The following PEAK1 variants were observed in gnomAD, a reference collection of about 807,000 sequenced individuals.
PEAK1 encodes the protein inactive tyrosine-protein kinase PEAK1.
In PEAK1, 54 loss-of-function variants were observed where a neutral mutation model predicts 124.7. The ratio of observed to expected loss-of-function variants is 0.43; its 90% CI spans 0.35 to 0.54. The LOEUF (loss-of-function observed/expected upper bound fraction) is 0.54. Ranked by LOEUF, PEAK1 falls within the 20% of genes least tolerant of loss-of-function variation. The pLI is 0.01. For synonymous variants in PEAK1, 719 were observed against 760.0 expected (o/e 0.95, Z 0.89); for missense variants, 2,046 against 2,134.5 (o/e 0.96, Z 0.82).
intron 1 of PEAK1, among the ~76,000 whole-genome samples, chr15:77,415,124 C>T (rs1286577245): frequency 6.6e-6 from 1 of 152,204 alleles, no homozygotes; most frequent in East Asian, 1.9e-4. Flanking sequence ...TCTGATCACT[C>T]ACTGCTGGAG....
At chr15:77,248,177 G>A (rs1440577112) in intron 6 of PEAK1, among the ~76,000 whole-genome samples, 1 of 152,034 alleles carries the variant, frequency 6.6e-6, no homozygotes, top group Non-Finnish European at 1.5e-5. Context: ...GATTACAGGT[G>A]TGAACCACTG....
intron 2 of PEAK1, among the ~76,000 whole-genome samples, chr15:77,300,330 G>A (rs923407012): frequency 1.1e-4 from 17 of 152,224 alleles, no homozygotes; most frequent in African/African-American, 4.1e-4. Context: ...GAAGAGAGGA[G>A]TACTGTTAGT....
In PEAK1 at chr15:77,110,709, C is replaced by G. The variant is rs1596204859; in HGVS notation, c.*3447G>C. 6.6e-6 allele frequency: 1 copy of G among 152,234 alleles called. No homozygotes were observed. Among genetic ancestry groups the G allele is most frequent in the South Asian group, 2.1e-4 (1 of 4,834 alleles). 9.4% of individuals were successfully genotyped at this position (152,234 alleles called of 1,614,324 possible). ...TCTTCTGAGGGCAAATCTTGAAACTCATTGCCATATTCCTGGCTTCCAGTT... is the reference window on the plus strand; with the variant it reads ...TCTTCTGAGGGCAAATCTTGAAACTGATTGCCATATTCCTGGCTTCCAGTT... On this transcript the variant is annotated 3_prime_UTR_variant, in exon 10 of 10. Coordinates refer to ENST00000682557, the MANE Select transcript of PEAK1 (RefSeq NM_001385026.1).
chr15:77,314,870 A>C (rs2064775190), intron 2 of PEAK1, among the ~76,000 whole-genome samples: 1 of 152,226 alleles, frequency 6.6e-6, no homozygotes, highest in East Asian at 1.9e-4. Flanking sequence ...GTAATACCTG[A>C]CGACCCATGG....
Position 77,418,817 on chromosome 15 carries a change from C to T in PEAK1, c.-666+1189G>A, listed in dbSNP as rs955943567. 4.1e-6 allele frequency: 4 copies of T among 984,952 alleles called. No individual in the cohort carries two copies. The African/African-American group carries it at 7.0e-5, about 17-fold the overall frequency. The allele number at this position is 984,952 out of a possible 1,614,324, so 61.0% of individuals were successfully genotyped here. ...GACTATACACATCACTACATCACTT[C>T]ATTTATCGGGGGAAAAAAAAAGACG... On this transcript the variant is annotated intron_variant, in intron 1 of 9. Coordinates refer to ENST00000682557, the MANE Select transcript of PEAK1 (RefSeq NM_001385026.1).
At chr15:77,230,138 A>C (rs2152894745) in intron 6 of PEAK1, among the ~76,000 whole-genome samples, 1 of 152,332 alleles carries the variant, frequency 6.6e-6, no homozygotes, top group South Asian at 2.1e-4. Flanking sequence ...ATGCTATTAT[A>C]AAATACTTAT....
At chr15:77,413,526 C>A (rs2072583395) in intron 1 of PEAK1, among the ~76,000 whole-genome samples, 1 of 152,174 alleles carries the variant, frequency 6.6e-6, no homozygotes, top group Non-Finnish European at 1.5e-5. Context: ...AAACATCAGA[C>A]AAACCTAAAC....
At chr15:77,363,234 A>C (rs558902070) in intron 2 of PEAK1, among the ~76,000 whole-genome samples, 2 of 152,246 alleles carry the variant, frequency 1.3e-5, no homozygotes, top group South Asian at 4.1e-4. Flanking sequence ...TCCCCACACC[A>C]GATTTGGTGC....
At position 77,180,329 on chromosome 15, in the gene PEAK1, T is replaced by G. The variant is rs1567077039; in HGVS notation, c.1598A>C (p.Glu533Ala). The G allele has an allele frequency of 6.2e-7, 1 of 1,613,998 alleles. No homozygotes were observed. The highest frequency in any genetic ancestry group is 1.3e-5 in the African/African-American group (1 of 74,902). Residue 533 changes from glutamate (E) to alanine (A), a missense_variant, in exon 7 of 10, where the codon GAA becomes GCA. Coordinates refer to ENST00000682557, the MANE Select transcript of PEAK1 (RefSeq NM_001385026.1). ...FQKSSAIRYQ[E>A]VWTSSTSPRQ... ...TGGACTGGTGCTAGAAGTCCATACT[T>G]CTTGGTATCGAATTGCACTGGATTT...
At chr15:77,104,081 C>T (rs552604445), downstream of PEAK1, 14 of 152,480 alleles carry the variant, frequency 9.2e-5, 1 homozygote, top group East Asian at 9.6e-4. Flanking sequence ...GACAAAGACT[C>T]GTATGGTGGT....
chr15:77,245,675 GC>G (rs2060550375), intron 6 of PEAK1, among the ~76,000 whole-genome samples: 1 of 151,998 alleles, frequency 6.6e-6, no homozygotes, highest in African/African-American at 2.4e-5. Flanking sequence ...CTCCAGCCTG[GC>G]CTGGGAAACC....
intron 2 of PEAK1, among the ~76,000 whole-genome samples, chr15:77,311,199 A>G (rs145810684): frequency 6.6e-6 from 1 of 152,324 alleles, no homozygotes; most frequent in East Asian, 1.9e-4. Context: ...CTCCCATATG[A>G]TAACTGCCAG....
At chr15:77,106,324 C>T (rs1056032678), downstream of PEAK1, 23 of 151,072 alleles carry the variant, frequency 1.5e-4, no homozygotes, top group Admixed American at 1.2e-3. Context: ...TATATGTCTA[C>T]GTGTAAGTGT....
At chr15:77,184,838 A>C (rs1231255467) in intron 6 of PEAK1, among the ~76,000 whole-genome samples, 1 of 152,192 alleles carries the variant, frequency 6.6e-6, no homozygotes, top group Non-Finnish European at 1.5e-5. Context: ...CGGAGGTTGC[A>C]GTGAGCCGAG....
chr15:77,326,751 G>A (rs564333738), intron 2 of PEAK1, among the ~76,000 whole-genome samples: 1 of 152,032 alleles, frequency 6.6e-6, no homozygotes, highest in Non-Finnish European at 1.5e-5. Flanking sequence ...ATTAATCAGG[G>A]TCTATATTCT....
chr15:77,215,524 A>C (rs1382474465), intron 6 of PEAK1, among the ~76,000 whole-genome samples: 1 of 152,064 alleles, frequency 6.6e-6, no homozygotes, highest in Non-Finnish European at 1.5e-5. Context: ...TACTTATAAC[A>C]CCTAATACAA....
intron 6 of PEAK1, among the ~76,000 whole-genome samples, chr15:77,196,260 G>C (rs2058098261): frequency 6.6e-6 from 1 of 152,180 alleles, no homozygotes; most frequent in Admixed American, 6.5e-5. Flanking sequence ...CTGCACGACA[G>C]GTTGCCATGC....
intron 1 of PEAK1, chr15:77,402,661 T>C (rs1466230475): frequency 1.0e-6 from 1 of 985,324 alleles, no homozygotes; most frequent in Non-Finnish European, 1.2e-6. Context: ...ACTACTCCCA[T>C]AGTGTATCGT....
intron 2 of PEAK1, among the ~76,000 whole-genome samples, chr15:77,299,601 G>A (rs531331021): frequency 6.6e-6 from 1 of 152,150 alleles, no homozygotes; most frequent in Non-Finnish European, 1.5e-5. Flanking sequence ...TAGTTCTAAA[G>A]TTTTTCCTTG....
Sources: gnomAD v4.1 joint callset for allele counts (sites outside exome capture counted in the v4.1 genomes callset) on GRCh38, gnomAD v4.1.1 for gene constraint, MANE v1.5 for transcripts, NCBI Gene and HGNC (gene_info 2026-07-23, HGNC 2026-07-21) for gene names.